Variants in SRGAP3 observed in about 807,000 individuals in gnomAD.
SRGAP3 encodes SLIT-ROBO Rho GTPase-activating protein 3.
SRGAP3 carries 39 observed loss-of-function variants against 121.1 expected under a neutral mutation model. That is an observed-to-expected ratio of 0.32 (90% CI 0.25 to 0.42). The LOEUF (loss-of-function observed/expected upper bound fraction) is 0.42, where lower values mean the gene tolerates loss of function less well. SRGAP3 is among the 10% of genes least tolerant of loss of function. The pLI is 1.00. For synonymous variants in SRGAP3, 601 were observed against 570.0 expected (o/e 1.05, Z -0.77); for missense variants, 1,213 against 1,470.6 (o/e 0.82, Z 2.86).
chr3:9,141,400 A>G (rs1379857592), intron 1 of SRGAP3, among the ~76,000 whole-genome samples: 2 of 152,234 alleles, frequency 1.3e-5, no homozygotes, highest in Non-Finnish European at 2.9e-5. Flanking sequence ...CGGCTACTGC[A>G]TGGGATGGAA....
chr3:9,151,070 C>T (rs1049630629), intron 1 of SRGAP3, among the ~76,000 whole-genome samples: 1 of 152,160 alleles, frequency 6.6e-6, no homozygotes, highest in African/African-American at 2.4e-5. Flanking sequence ...TATGTCTTTA[C>T]CTGGGATGGC....
chr3:9,226,491 A>G (rs1406903253), intron 1 of SRGAP3, among the ~76,000 whole-genome samples: 1 of 152,156 alleles, frequency 6.6e-6, no homozygotes. Flanking sequence ...TGTTCCTTCA[A>G]GACAGCTCTA....
In SRGAP3 at chr3:8,985,720, G is replaced by A; in HGVS notation, c.3099C>T (p.Thr1033=). The change falls in exon 22 of 22, where the codon ACC becomes ACT. Residue 1033 remains threonine (T), a synonymous_variant. Coordinates refer to ENST00000383836, the MANE Select transcript of SRGAP3 (RefSeq NM_014850.4). The surrounding 1 kb of genome is among the most constrained non-coding windows in gnomAD (Gnocchi z 5.1). ...CTGGCTTGAAGGTGGTCATCATCTC[G>A]GTGGAGGAGCTGCTGCTGCGGCGCA... ...AAMRRSSSSS[T]EMMTTFKPAL... is the part of the protein sequence containing the mutation. 2 of 1,598,452 alleles carry A rather than the reference G, an allele frequency of 1.3e-6. No homozygotes were observed. Among genetic ancestry groups the A allele is most frequent in the South Asian group, 1.1e-5 (1 of 91,016 alleles).
intron 1 of SRGAP3, 131 bp from the exon 2 acceptor site, chr3:9,125,048 C>T: frequency 7.9e-6 from 8 of 1,016,878 alleles, no homozygotes; most frequent in Non-Finnish European, 1.2e-5. Context: ...CTCTCTGAGC[C>T]CAGCCAGAGC....
At chr3:9,303,153 G>T (rs1258056712) in intron 3 of SRGAP3, among the ~76,000 whole-genome samples, 6 of 151,962 alleles carry the variant, frequency 3.9e-5, no homozygotes, top group Admixed American at 1.3e-4. Context: ...TGCCAGGCGC[G>T]GTGGCTCATG....
intron 2 of SRGAP3, among the ~76,000 whole-genome samples, chr3:9,123,399 TACAC>T (rs1560201919): frequency 0.016 from 1,846 of 117,368 alleles, 22 homozygotes; most frequent in Middle Eastern, 0.026. Context: ...ACATACACAA[TACAC>T]ATACATACAC....
intron 1 of SRGAP3, among the ~76,000 whole-genome samples, chr3:9,174,313 C>A (rs755144960): frequency 3.3e-5 from 5 of 152,048 alleles, no homozygotes; most frequent in Admixed American, 6.5e-5. Flanking sequence ...CTGAACTGTA[C>A]GTTGTAAAAT....
chr3:9,358,616 C>T (rs1277234933), intron 1 of SRGAP3, among the ~76,000 whole-genome samples: 1 of 152,202 alleles, frequency 6.6e-6, no homozygotes, highest in African/African-American at 2.4e-5. Flanking sequence ...TCAGATCCTA[C>T]AGGTTAAGGG....
intron 2 of SRGAP3, among the ~76,000 whole-genome samples, chr3:9,328,757 G>C (rs1955557613): frequency 6.6e-6 from 1 of 152,144 alleles, no homozygotes; most frequent in Non-Finnish European, 1.5e-5. Context: ...AGTGTGAAAG[G>C]GCAGAACCTT....
chr3:9,000,177 T>C (rs1942667229), intron 18 of SRGAP3, among the ~76,000 whole-genome samples: 1 of 152,218 alleles, frequency 6.6e-6, no homozygotes, highest in Non-Finnish European at 1.5e-5. Flanking sequence ...CTGCTCCCAC[T>C]ACCTGTTGCT....
At chr3:9,041,917 A>G (rs112902695) in intron 10 of SRGAP3, among the ~76,000 whole-genome samples, 12,157 of 152,180 alleles carry the variant, frequency 0.08, 524 homozygotes, top group Middle Eastern at 0.11. Flanking sequence ...CCTGGCCAAC[A>G]TGGTGAAACC....
Position 9,218,277 on chromosome 3 carries a change from A to C in SRGAP3, c.67+30608T>G, listed in dbSNP as rs1952698320. 6.6e-6 allele frequency: 1 copy of C among 152,232 alleles called. No individual in the cohort carries two copies. Among genetic ancestry groups the C allele is most frequent in the African/African-American group, 2.4e-5 (1 of 41,450 alleles). The allele number at this position is 152,232 out of a possible 1,614,324, so 9.4% of individuals were successfully genotyped here. The stretch of plus-strand genomic sequence containing the variant: ...CCACCCTAGAAATGAATTAGGGAGA[A>C]GAGATGGCAGCCAGATGGCTTTTTA... On this transcript the variant is annotated intron_variant, in intron 1 of 21. Transcript: ENST00000383836. This position sits in a 1 kb window ranked among gnomAD's most constrained non-coding sequence, Gnocchi z 5.3.
chr3:9,213,607 C>T (rs2125182984), intron 1 of SRGAP3, among the ~76,000 whole-genome samples: 1 of 152,360 alleles, frequency 6.6e-6, no homozygotes, highest in Non-Finnish European at 1.5e-5. Flanking sequence ...ACAAGCTGTT[C>T]TCCACACTCT....
intron 14 of SRGAP3, among the ~76,000 whole-genome samples, chr3:9,019,858 C>T (rs1488068653): frequency 6.6e-6 from 1 of 152,214 alleles, no homozygotes. Context: ...ACACAGGTAT[C>T]AAATAGGTCA....
intron 1 of SRGAP3, among the ~76,000 whole-genome samples, chr3:9,151,608 A>T (rs181164745): frequency 5.9e-5 from 9 of 152,350 alleles, no homozygotes; most frequent in Admixed American, 5.9e-4. Flanking sequence ...GATGTGAGGA[A>T]CACACTCTAA....
chr3:9,353,866 T>C (rs552816875), intron 1 of SRGAP3, among the ~76,000 whole-genome samples: 28 of 152,292 alleles, frequency 1.8e-4, no homozygotes, highest in Admixed American at 1.5e-3. Flanking sequence ...CTTCTTTCAA[T>C]TACATCCCCA....
At chr3:9,127,887 A>G (rs1242833586) in intron 1 of SRGAP3, among the ~76,000 whole-genome samples, 1 of 150,172 alleles carries the variant, frequency 6.7e-6, no homozygotes, top group African/African-American at 2.4e-5. Flanking sequence ...CATGATGCTT[A>G]GAGGGAACTC....
At chr3:9,158,691 G>A (rs17530358) in intron 1 of SRGAP3, among the ~76,000 whole-genome samples, 32,295 of 152,088 alleles carry the variant, frequency 0.21, 4,228 homozygotes, top group Admixed American at 0.31. Context: ...TTGCACAGTA[G>A]GGAAAGCACA....
At chr3:8,993,502 T>C (rs999688194) in intron 19 of SRGAP3, among the ~76,000 whole-genome samples, 19 of 152,204 alleles carry the variant, frequency 1.2e-4, no homozygotes, top group Admixed American at 6.5e-5. Context: ...CACCCAGGGC[T>C]TGGGCTACTG....
Sources: gnomAD v4.1 joint callset for allele counts (sites outside exome capture counted in the v4.1 genomes callset) on GRCh38, gnomAD v4.1.1 for gene constraint, Gnocchi (gnomAD v3.1) non-coding constraint, MANE v1.5 for transcripts, NCBI Gene and HGNC (gene_info 2026-07-23, HGNC 2026-07-21) for gene names.